The following REEP3 variants were observed in gnomAD, a reference collection of about 807,000 sequenced individuals.
REEP3 encodes receptor expression-enhancing protein 3.
A neutral mutation model predicts 41.3 loss-of-function variants in REEP3; 20 were observed. The ratio of observed to expected loss-of-function variants is 0.48; its 90% confidence interval spans 0.34 to 0.70. The LOEUF (loss-of-function observed/expected upper bound fraction) is 0.70, where lower values mean the gene tolerates loss of function less well. Among genes scored for constraint, REEP3 ranks in the 30% least tolerant of loss-of-function variants. The probability of loss-of-function intolerance (pLI) is 0.01; values close to 1 mark genes in which losing one functional copy is unlikely to be tolerated. For missense variants in REEP3, 271 were observed against 308.8 expected (o/e 0.88, Z 0.92); for synonymous variants, 104 against 101.8 (o/e 1.02, Z -0.13).
intron 1 of REEP3, among the ~76,000 whole-genome samples, chr10:63,533,820 A>G (rs1261843223): frequency 1.3e-5 from 2 of 148,518 alleles, no homozygotes; most frequent in African/African-American, 4.9e-5. Context: ...CAATTCTCCT[A>G]CCTCAGCCTC....
At chr10:63,610,002 A>C (rs1956265431) in intron 5 of REEP3, among the ~76,000 whole-genome samples, 185 bp from the exon 6 acceptor site, 1 of 152,142 alleles carries the variant, frequency 6.6e-6, no homozygotes, top group Non-Finnish European at 1.5e-5. Flanking sequence ...AAATAAAATG[A>C]ATTCATGGAT....
intron 4 of REEP3, 146 bp downstream of exon 4, chr10:63,598,290 G>C: frequency 2.1e-6 from 1 of 484,852 alleles, no homozygotes; most frequent in Non-Finnish European, 3.6e-6. Context: ...GACCAGCCTG[G>C]CCAACATGGT....
At position 63,521,563 on chromosome 10, in the gene REEP3, C is replaced by G; in HGVS notation, c.18C>G (p.Ile6Met). 2.1e-6 allele frequency: 3 copies of G among 1,425,312 alleles called. No homozygotes were observed. The highest frequency in any genetic ancestry group is 2.8e-6 in the Non-Finnish European group (3 of 1,077,084). 88.3% of individuals were successfully genotyped at this position (1,425,312 alleles called of 1,614,324 possible). MVSWM[I>M]SRAVVLVFGM... is the part of the protein sequence containing the mutation. ...CCGTGAAGATGGTGTCCTGGATGAT[C>G]TCCAGAGCCGTGGTGTAAGTGCCTC... Residue 6 changes from isoleucine (I) to methionine (M), a missense_variant, in exon 1 of 8, where the codon ATC (isoleucine) becomes ATG (methionine). Physicochemically the swap from Ile to Met is conservative, Grantham distance 10 (BLOSUM62 1). Coordinates refer to ENST00000373758, the MANE Select transcript of REEP3 (RefSeq NM_001001330.3).
chr10:63,584,541 A>G (rs972150230), intron 2 of REEP3, among the ~76,000 whole-genome samples: 2 of 152,174 alleles, frequency 1.3e-5, no homozygotes, highest in African/African-American at 4.8e-5. Flanking sequence ...GCTCTGAGAA[A>G]AAATCCCGTA....
chr10:63,559,511 C>T (rs1454422790), intron 1 of REEP3, among the ~76,000 whole-genome samples: 1 of 152,066 alleles, frequency 6.6e-6, no homozygotes, highest in Non-Finnish European at 1.5e-5. Context: ...TGGCAGAGGA[C>T]CTTCAAAATT....
At chr10:63,573,759 G>A (rs954994168) in intron 2 of REEP3, among the ~76,000 whole-genome samples, 5 of 152,140 alleles carry the variant, frequency 3.3e-5, no homozygotes, top group Non-Finnish European at 7.4e-5. Context: ...GGAAATAGAA[G>A]GGGAAAAACA....
At chr10:63,568,309 C>G (rs1251299943) in intron 2 of REEP3, among the ~76,000 whole-genome samples, 2 of 151,248 alleles carry the variant, frequency 1.3e-5, no homozygotes, top group Non-Finnish European at 2.9e-5. Flanking sequence ...CTCTGTCACC[C>G]AGGCCGGAGT....
intron 1 of REEP3, among the ~76,000 whole-genome samples, chr10:63,557,699 C>A (rs1955702335): frequency 6.6e-6 from 1 of 152,030 alleles, no homozygotes; most frequent in Non-Finnish European, 1.5e-5. Flanking sequence ...CTGTTATGTT[C>A]TTTCAAATGA....
intron 2 of REEP3, among the ~76,000 whole-genome samples, chr10:63,577,628 T>G (rs184091159): frequency 7.2e-5 from 11 of 152,114 alleles, no homozygotes; most frequent in Admixed American, 2.0e-4. Context: ...TTTTTTCCTT[T>G]TAAGTAGGAA....
chr10:63,528,849 G>A (rs1955391525), intron 1 of REEP3, among the ~76,000 whole-genome samples: 2 of 152,094 alleles, frequency 1.3e-5, no homozygotes, highest in Admixed American at 1.3e-4. Context: ...GCTTCCTTCA[G>A]GTGTTCACTT....
intron 1 of REEP3, among the ~76,000 whole-genome samples, chr10:63,526,800 T>G (rs1235063739): frequency 1.3e-5 from 2 of 152,182 alleles, no homozygotes; most frequent in Non-Finnish European, 2.9e-5. Context: ...TTATGTGATA[T>G]TTCATGCAAA....
In REEP3 at chr10:63,573,012, G is replaced by T. The variant is rs148789939; in HGVS notation, c.105+6602G>T. On this transcript the variant is annotated intron_variant, in intron 2 of 7. Transcript: ENST00000373758. ...AAAACCCAGTTTCTTTGTGGTATTT[G>T]GTTATGACCTAAATTTCACTGCTAT... Among the ~76,000 whole-genome samples the T allele has an allele frequency of 2.0e-5, 3 of 152,228 alleles. No individual in the cohort carries two copies. In the East Asian group the frequency reaches 5.8e-4, roughly 29 times the overall value.
At chr10:63,596,468 T>C (rs1394304508) in intron 3 of REEP3, among the ~76,000 whole-genome samples, 5 of 152,290 alleles carry the variant, frequency 3.3e-5, no homozygotes, top group African/African-American at 9.6e-5. Context: ...GTAATTGCAG[T>C]GTGGCAGAGA....
chr10:63,541,195 T>C (rs191115953), intron 1 of REEP3, among the ~76,000 whole-genome samples: 60 of 152,348 alleles, frequency 3.9e-4, no homozygotes, highest in African/African-American at 1.3e-3. Flanking sequence ...ATCAATACCT[T>C]TATTTTATAG....
In REEP3 at chr10:63,557,573, A is replaced by C. The variant is rs553647610; in HGVS notation, c.33-8765A>C. 5.9e-5 allele frequency among the ~76,000 whole-genome samples: 9 copies of C among 152,270 alleles called. No individual in the cohort carries two copies. The East Asian group carries it at 1.7e-3, about 29-fold the overall frequency. On this transcript the variant is annotated intron_variant, in intron 1 of 7. Coordinates refer to ENST00000373758, the MANE Select transcript of REEP3 (RefSeq NM_001001330.3). ...ATCAACAACAAAGAAGAAGCTCTCC[A>C]GGTGATTTTGACGTGTTGCAGGGTT...
chr10:63,543,148 G>A (rs1589860489), intron 1 of REEP3, among the ~76,000 whole-genome samples: 1 of 152,258 alleles, frequency 6.6e-6, no homozygotes, highest in East Asian at 1.9e-4. Flanking sequence ...CTAATACTGT[G>A]TAACAAACCA....
At chr10:63,568,192 T>A (rs1258244048) in intron 2 of REEP3, among the ~76,000 whole-genome samples, 3 of 152,182 alleles carry the variant, frequency 2.0e-5, no homozygotes, top group African/African-American at 7.2e-5. Flanking sequence ...AGCGTGTCTG[T>A]TAACAGTGCT....
Position 63,598,298 on chromosome 10 carries a change from G to A in REEP3, c.303+154G>A, listed in dbSNP as rs200207347. Among the ~76,000 whole-genome samples, 7 of 151,408 alleles carry A rather than the reference G, an allele frequency of 4.6e-5. No homozygotes were observed. In the East Asian group the frequency reaches 1.4e-3, roughly 30 times the overall value. Reference sequence around the variant, plus strand: ...AATATGAGACCAGCCTGGCCAACATGGTGAAACCCCACCTCTACTAAAAAT... The same window carrying A: ...AATATGAGACCAGCCTGGCCAACATAGTGAAACCCCACCTCTACTAAAAAT... On this transcript the variant is annotated intron_variant, in intron 4 of 7. Coordinates refer to ENST00000373758, the MANE Select transcript of REEP3 (RefSeq NM_001001330.3).
chr10:63,550,728 C>T (rs971050343), intron 1 of REEP3, among the ~76,000 whole-genome samples: 2 of 152,126 alleles, frequency 1.3e-5, no homozygotes, highest in African/African-American at 4.8e-5. Context: ...AGCCACAAAC[C>T]TAGAGCTCCA....
Sources: allele counts gnomAD v4.1 joint callset (sites outside exome capture counted in the v4.1 genomes callset), GRCh38; gene constraint gnomAD v4.1.1; transcripts MANE v1.5; gene names NCBI Gene and HGNC (gene_info 2026-07-23, HGNC 2026-07-21).